WDPCP: variants seen among roughly 807,000 people sequenced by gnomAD.
The protein encoded by WDPCP is WD repeat-containing and planar cell polarity effector protein fritz homolog.
A neutral mutation model predicts 93.1 loss-of-function variants in WDPCP; 71 were observed. The ratio of observed to expected loss-of-function variants is 0.76; its 90% CI spans 0.63 to 0.93. The LOEUF is 0.93. Ranked by LOEUF, WDPCP falls within the 40% of genes least tolerant of loss-of-function variation. The pLI is 0.00. For synonymous variants in WDPCP, 315 were observed against 315.0 expected, an observed-to-expected ratio of 1.00 and a Z score of 0.00; for missense variants, 844 against 887.4, an observed-to-expected ratio of 0.95 and a Z score of 0.62.
chr2:63,743,994 G>T (rs916206646), intron 2 of WDPCP, among the ~76,000 whole-genome samples: 1 of 152,050 alleles, frequency 6.6e-6, no homozygotes, highest in African/African-American at 2.4e-5. Flanking sequence ...GTTCTAAAAA[G>T]AAATTATTGA....
chr2:63,628,541 A>C (rs1709833638), intron 3 of WDPCP, among the ~76,000 whole-genome samples: 1 of 152,224 alleles, frequency 6.6e-6, no homozygotes, highest in Admixed American at 6.5e-5. Context: ...TGATCTTAAA[A>C]TAGAGAGGTT....
intron 1 of WDPCP, among the ~76,000 whole-genome samples, chr2:63,568,441 T>C (rs957798107): frequency 3.3e-5 from 5 of 151,902 alleles, no homozygotes; most frequent in African/African-American, 1.2e-4. Flanking sequence ...AAAGTGCACA[T>C]AGTACTATTT....
chr2:63,370,336 C>G (rs532724856), intron 12 of WDPCP, among the ~76,000 whole-genome samples: 1 of 152,062 alleles, frequency 6.6e-6, no homozygotes, highest in Non-Finnish European at 1.5e-5. Flanking sequence ...TTCCCTCCTG[C>G]TTATTTCTCC....
At chr2:63,782,116 A>G (rs1055608450) in intron 2 of WDPCP, among the ~76,000 whole-genome samples, 2 of 152,136 alleles carry the variant, frequency 1.3e-5, no homozygotes, top group South Asian at 2.1e-4. Flanking sequence ...TGCATATACA[A>G]AAGAATGAAA....
At chr2:63,298,352 A>C (rs1323818219) in intron 13 of WDPCP, among the ~76,000 whole-genome samples, 1 of 151,986 alleles carries the variant, frequency 6.6e-6, no homozygotes, top group Non-Finnish European at 1.5e-5. Context: ...TATGCAAAGT[A>C]TTGTTTCTGG....
At chr2:63,817,340 C>T (rs1026915952) in intron 1 of WDPCP, among the ~76,000 whole-genome samples, 19 of 152,120 alleles carry the variant, frequency 1.2e-4, no homozygotes, top group Non-Finnish European at 2.1e-4. Context: ...GAACTCCTGA[C>T]CTCATGATCC....
At chr2:63,454,313 T>C (rs1698478994) in intron 6 of WDPCP, among the ~76,000 whole-genome samples, 1 of 151,148 alleles carries the variant, frequency 6.6e-6, no homozygotes, top group Non-Finnish European at 1.5e-5. Context: ...AATGAACACA[T>C]GGACACAGGG....
chr2:63,378,095 G>A (rs146338800), intron 12 of WDPCP: 405 of 377,982 alleles, frequency 1.1e-3, no homozygotes, highest in African/African-American at 7.5e-3. Flanking sequence ...TACTTAGTGC[G>A]AGTAGCACAA....
Position 63,657,276 on chromosome 2 carries a change from C to A in WDPCP, n.309-6438G>T, listed in dbSNP as rs145327802. Among the ~76,000 whole-genome samples, 275 of 148,528 alleles carry A rather than the reference C, an allele frequency of 1.9e-3. 3 individuals are homozygous for A. The highest frequency in any genetic ancestry group is 6.3e-3 in the African/African-American group (251 of 40,046). The stretch of plus-strand genomic sequence containing the variant: ...CTGGAGTGCAGCGGCCCGATCTCGA[C>A]TCACTGCAAGCTCCGCCTCCTGGGT... On this transcript the variant is annotated intron_variant and non_coding_transcript_variant, in intron 2 of 4. Transcript: ENST00000467687.
At chr2:63,757,880 ACCT>A (rs1383287898) in intron 2 of WDPCP, among the ~76,000 whole-genome samples, 1 of 152,144 alleles carries the variant, frequency 6.6e-6, no homozygotes, top group African/African-American at 2.4e-5. Context: ...TTGAACAGAG[ACCT>A]CCTTGCTAAC....
chr2:63,808,752 C>A (rs1349050199), intron 2 of WDPCP, among the ~76,000 whole-genome samples: 1 of 152,232 alleles, frequency 6.6e-6, no homozygotes, highest in African/African-American at 2.4e-5. Flanking sequence ...GCAGCCTCTG[C>A]CTGGCCGCCA....
At chr2:63,575,297 G>GTA (rs903149922) in intron 1 of WDPCP, among the ~76,000 whole-genome samples, 5 of 144,536 alleles carry the variant, frequency 3.5e-5, no homozygotes, top group Non-Finnish European at 6.0e-5. Flanking sequence ...TATATAGTAT[G>GTA]TATATATATA....
intron 12 of WDPCP, among the ~76,000 whole-genome samples, chr2:63,350,517 A>G (rs951007465): frequency 6.6e-6 from 1 of 151,322 alleles, no homozygotes; most frequent in Non-Finnish European, 1.5e-5. Context: ...TTTTGCATAC[A>G]CCCTCCTCTC....
chr2:63,366,693 T>C (rs1690939273), intron 12 of WDPCP, among the ~76,000 whole-genome samples: 1 of 152,142 alleles, frequency 6.6e-6, no homozygotes, highest in South Asian at 2.1e-4. Flanking sequence ...CATGTTGTTA[T>C]ACTCTATACC....
At chr2:63,582,668 G>A (rs1176780619) in intron 1 of WDPCP, among the ~76,000 whole-genome samples, 1 of 151,830 alleles carries the variant, frequency 6.6e-6, no homozygotes, top group Non-Finnish European at 1.5e-5. Flanking sequence ...AATGTTAAAA[G>A]CAGCCAGAGA....
At chr2:63,207,341 T>A (rs899293192) in intron 14 of WDPCP, among the ~76,000 whole-genome samples, 2 of 152,084 alleles carry the variant, frequency 1.3e-5, no homozygotes, top group African/African-American at 2.4e-5. Context: ...ACTCTCTTTC[T>A]CCCTCTCCAC....
intron 1 of WDPCP, among the ~76,000 whole-genome samples, chr2:63,529,878 C>T (rs1221451190): frequency 6.6e-6 from 1 of 151,984 alleles, no homozygotes. Flanking sequence ...AATTTCAGAC[C>T]CTGTTATTGG....
chr2:63,528,058 C>T (rs188360165), intron 1 of WDPCP, among the ~76,000 whole-genome samples: 1 of 151,298 alleles, frequency 6.6e-6, no homozygotes, highest in African/African-American at 2.5e-5. Flanking sequence ...CCCCCTTTTT[C>T]AGGGGTTTAT....
chr2:63,228,515 G>C (rs966281495), intron 14 of WDPCP: 7 of 151,022 alleles, frequency 4.6e-5, no homozygotes, highest in East Asian at 2.0e-4. Flanking sequence ...ATGTGCCATG[G>C]TGGTGTGCTG....
Sources: gnomAD v4.1 joint callset for allele counts (sites outside exome capture counted in the v4.1 genomes callset) on GRCh38, gnomAD v4.1.1 for gene constraint, MANE v1.5 for transcripts, NCBI Gene and HGNC (gene_info 2026-07-23, HGNC 2026-07-21) for gene names.